Variants in MNAT1 observed in about 807,000 individuals in gnomAD.
The protein encoded by MNAT1 is CDK-activating kinase assembly factor MAT1.
Under a neutral mutation model 42.0 loss-of-function variants are expected in MNAT1, and 43 were observed. The ratio of observed to expected loss-of-function variants is 1.02; its 90% CI spans 0.80 to 1.32. The LOEUF (loss-of-function observed/expected upper bound fraction) is 1.32. MNAT1 is among the 40% of genes most tolerant of loss of function. The pLI is 0.00. For synonymous variants in MNAT1, 118 were observed against 120.0 expected, an observed-to-expected ratio of 0.98 and a Z score of 0.11; for missense variants, 306 against 350.4, an observed-to-expected ratio of 0.87 and a Z score of 1.01.
At chr14:60,851,424 A>G in intron 6 of MNAT1, among the ~76,000 whole-genome samples, 1 of 50,718 alleles carries the variant, frequency 2.0e-5, no homozygotes, top group South Asian at 1.1e-3. Flanking sequence ...GCAATCCTGT[A>G]TGGGGCAAGT....
chr14:60,920,094 G>T, intron 7 of MNAT1: 1 of 153,188 alleles, frequency 6.5e-6, no homozygotes, highest in South Asian at 1.9e-4. Flanking sequence ...ATGTCTTGCA[G>T]AATCAGTCCT....
At position 60,740,618 on chromosome 14, in the gene MNAT1, C is replaced by T. The variant is rs1385645261; in HGVS notation, c.89+5667C>T. On this transcript the variant is annotated intron_variant, in intron 1 of 7. Transcript: ENST00000261245. This position sits in a 1 kb window ranked among gnomAD's most constrained non-coding sequence, Gnocchi z 4.1. ...TGTGCAAATTGGGAAACAGAGCCCCCTCTGGGTAGAAAATTAGGAAAAGGC... is the reference window on the plus strand; with the variant it reads ...TGTGCAAATTGGGAAACAGAGCCCCTTCTGGGTAGAAAATTAGGAAAAGGC... Among the ~76,000 whole-genome samples, 2 of 152,130 alleles carry T rather than the reference C, an allele frequency of 1.3e-5. No homozygotes were observed. Among genetic ancestry groups the T allele is most frequent in the Non-Finnish European group, 2.9e-5 (2 of 68,030 alleles).
intron 7 of MNAT1, among the ~76,000 whole-genome samples, chr14:60,911,181 C>T (rs1157696347): frequency 6.6e-6 from 1 of 152,052 alleles, no homozygotes; most frequent in Non-Finnish European, 1.5e-5. Flanking sequence ...TCCCCTTTGT[C>T]ATTTTTTATT....
chr14:60,864,427 A>G (rs2034161673), intron 6 of MNAT1, among the ~76,000 whole-genome samples: 1 of 151,938 alleles, frequency 6.6e-6, no homozygotes, highest in Non-Finnish European at 1.5e-5. Context: ...TATAATAGAG[A>G]AGTGCTTTGT....
At chr14:60,738,594 A>C (rs1378779941) in intron 1 of MNAT1, among the ~76,000 whole-genome samples, 1 of 151,408 alleles carries the variant, frequency 6.6e-6, no homozygotes, top group Non-Finnish European at 1.5e-5. Flanking sequence ...GCTGGAGTGC[A>C]ATGGCGTGAT....
At chr14:60,852,710 G>A (rs2033854413) in intron 6 of MNAT1, among the ~76,000 whole-genome samples, 4 of 152,114 alleles carry the variant, frequency 2.6e-5, no homozygotes, top group Admixed American at 2.6e-4. Flanking sequence ...TCCATCTTGA[G>A]TTAATTTTTG....
chr14:60,933,746 C>G lies in MNAT1; in HGVS notation c.810-34483C>G, dbSNP rs539936956. 1.6e-4 allele frequency among the ~76,000 whole-genome samples: 25 copies of G among 152,258 alleles called. No homozygotes were observed. In the South Asian group the frequency reaches 1.9e-3, roughly 11 times the overall value. ...TGTTTTCCTTGTTTATCTCCCTGCTCTAATTCCGTACTATGGTATTCCTTT... is the reference window on the plus strand; with the variant it reads ...TGTTTTCCTTGTTTATCTCCCTGCTGTAATTCCGTACTATGGTATTCCTTT... On this transcript the variant is annotated intron_variant, in intron 7 of 7. Coordinates refer to ENST00000261245, the MANE Select transcript of MNAT1 (RefSeq NM_002431.4).
chr14:60,747,702 C>T (rs899853936), intron 1 of MNAT1, among the ~76,000 whole-genome samples: 2 of 152,106 alleles, frequency 1.3e-5, no homozygotes, highest in South Asian at 4.1e-4. Context: ...TACACTTAGG[C>T]TACACTAAAT....
At chr14:60,829,258 G>T (rs1281739760) in intron 6 of MNAT1, among the ~76,000 whole-genome samples, 1 of 152,086 alleles carries the variant, frequency 6.6e-6, no homozygotes, top group African/African-American at 2.4e-5. Flanking sequence ...CGTTTTAGGA[G>T]ATGAGTACCA....
intron 7 of MNAT1, among the ~76,000 whole-genome samples, chr14:60,935,709 G>A (rs189535432): frequency 1.3e-5 from 2 of 152,180 alleles, no homozygotes; most frequent in South Asian, 2.1e-4. Context: ...AGGGTAGGAG[G>A]AGAAATCAGA....
intron 6 of MNAT1, among the ~76,000 whole-genome samples, chr14:60,865,741 C>G (rs1490870332): frequency 1.3e-5 from 2 of 152,022 alleles, no homozygotes; most frequent in Non-Finnish European, 2.9e-5. Flanking sequence ...AAATATTTTT[C>G]TTGTATTTTG....
At chr14:60,931,625 A>G (rs983465264) in intron 7 of MNAT1, among the ~76,000 whole-genome samples, 1 of 152,176 alleles carries the variant, frequency 6.6e-6, no homozygotes, top group African/African-American at 2.4e-5. Flanking sequence ...TCTTATTTCA[A>G]AAATATGTCT....
intron 6 of MNAT1, among the ~76,000 whole-genome samples, chr14:60,863,428 C>T (rs946641811): frequency 2.0e-5 from 3 of 152,074 alleles, no homozygotes; most frequent in Non-Finnish European, 2.9e-5. Context: ...GAATGTGCTT[C>T]AGCAAATGCA....
Position 60,888,799 on chromosome 14 carries a change from C to A in MNAT1, c.809+8964C>A, listed in dbSNP as rs937003691. ...AAAAATCACAAGCATTCTTATACACCAACAACAGACAAACAGAGAGCCAAA... is the reference window on the plus strand; with the variant it reads ...AAAAATCACAAGCATTCTTATACACAAACAACAGACAAACAGAGAGCCAAA... On this transcript the variant is annotated intron_variant, in intron 7 of 7. Transcript: ENST00000261245. Among the ~76,000 whole-genome samples, 9 of 128,080 alleles carry A rather than the reference C, an allele frequency of 7.0e-5. No homozygotes were observed. In the Admixed American group the frequency reaches 7.7e-4, roughly 11 times the overall value. 84.0% of individuals were successfully genotyped at this position (128,080 alleles called of 152,430 possible).
intron 7 of MNAT1, chr14:60,920,047 A>G (rs1403071129): frequency 6.5e-6 from 1 of 153,334 alleles, no homozygotes; most frequent in Non-Finnish European, 1.5e-5. Flanking sequence ...CAGCTGCTCC[A>G]CCTGCAGTGA....
chr14:60,767,913 G>A (rs189664819), intron 1 of MNAT1, among the ~76,000 whole-genome samples: 19 of 152,204 alleles, frequency 1.2e-4, no homozygotes, highest in Admixed American at 1.0e-3. Flanking sequence ...ATAGGCACAC[G>A]CCACCACACC....
intron 1 of MNAT1, among the ~76,000 whole-genome samples, chr14:60,789,174 A>G (rs1214060242): frequency 6.6e-6 from 1 of 152,104 alleles, no homozygotes; most frequent in Non-Finnish European, 1.5e-5. Context: ...GTTGTGTCTC[A>G]AGGAATGGGA....
chr14:60,884,153 GAAGA>G (rs2034610722), intron 7 of MNAT1, among the ~76,000 whole-genome samples: 1 of 152,024 alleles, frequency 6.6e-6, no homozygotes, highest in African/African-American at 2.4e-5. Context: ...CCAGATCTTA[GAAGA>G]AAGACTTTCA....
rs187202287 is a variant in MNAT1 at position 60,861,406 on chromosome 14, A to G, written c.688-18308A>G. On this transcript the variant is annotated intron_variant, in intron 6 of 7. Coordinates refer to ENST00000261245, the MANE Select transcript of MNAT1 (RefSeq NM_002431.4). ...TATGTTGTTCAAAATGTTAAAGTTT[A>G]AAGAAAGAAATTTCTTTGTTAAGGG... Among the ~76,000 whole-genome samples the G allele has an allele frequency of 3.3e-5, 5 of 152,328 alleles. No homozygotes were observed. In the East Asian group the frequency reaches 9.6e-4, roughly 29 times the overall value.
Sources: gnomAD v4.1 joint callset for allele counts (sites outside exome capture counted in the v4.1 genomes callset) on GRCh38, gnomAD v4.1.1 for gene constraint, Gnocchi (gnomAD v3.1) non-coding constraint, MANE v1.5 for transcripts, NCBI Gene and HGNC (gene_info 2026-07-23, HGNC 2026-07-21) for gene names.